Variants in XXYLT1 observed in about 807,000 individuals in gnomAD.
XXYLT1 encodes the protein xyloside xylosyltransferase 1.
Under a neutral mutation model 28.9 loss-of-function variants are expected in XXYLT1, and 20 were observed. The observed-to-expected ratio is 0.69, with a 90% CI of 0.49 to 1.00. XXYLT1 has a LOEUF of 1.00. XXYLT1 is among the 50% of genes least tolerant of loss of function. The pLI, the probability that XXYLT1 is intolerant of heterozygous loss-of-function variation, is 0.00. For synonymous variants in XXYLT1, 257 were observed against 253.8 expected (o/e 1.01, Z -0.12); for missense variants, 542 against 560.1 (o/e 0.97, Z 0.33).
chr3:195,269,132 G>A (rs1047094196), intron 1 of XXYLT1, among the ~76,000 whole-genome samples: 3 of 152,226 alleles, frequency 2.0e-5, no homozygotes, highest in Non-Finnish European at 2.9e-5. Context: ...TGGGGACAAG[G>A]GGACAGAGAT....
Position 195,257,005 on chromosome 3 carries a change from C to T in XXYLT1, c.504+13550G>A, listed in dbSNP as rs563735768. 1.2e-4 allele frequency among the ~76,000 whole-genome samples: 19 copies of T among 152,316 alleles called. 1 individual carries two copies. In the South Asian group the frequency reaches 3.5e-3, roughly 28 times the overall value. On this transcript the variant is annotated intron_variant, in intron 1 of 3. Transcript: ENST00000310380. This position sits in a 1 kb window ranked among gnomAD's most constrained non-coding sequence, Gnocchi z 4.3. ...AATGCAAGGGGGACAGTTCCAAAAC[C>T]CAAAACACCGCTGACACTTCATGGC...
At chr3:195,231,529 G>A (rs1192537474) in intron 1 of XXYLT1, among the ~76,000 whole-genome samples, 3 of 152,174 alleles carry the variant, frequency 2.0e-5, no homozygotes, top group African/African-American at 7.2e-5. Flanking sequence ...TGTTGCATAT[G>A]GCTTTTATTA....
chr3:195,110,425 A>G lies in XXYLT1; in HGVS notation c.786-40314T>C, dbSNP rs554193892. ...GTGTGTATAAGTGCGTCTGTGGTGTATGTGTGCGTGTGTATGTGGTGTAAA... is the reference window on the plus strand; with the variant it reads ...GTGTGTATAAGTGCGTCTGTGGTGTGTGTGTGCGTGTGTATGTGGTGTAAA... On this transcript the variant is annotated intron_variant, in intron 3 of 3. Coordinates refer to ENST00000310380, the MANE Select transcript of XXYLT1 (RefSeq NM_152531.5). Among the ~76,000 whole-genome samples, 359 of 95,616 alleles carry G rather than the reference A, an allele frequency of 3.8e-3. 6 individuals are homozygous for G. Among genetic ancestry groups the G allele is most frequent in the African/African-American group, 0.014 (318 of 23,526 alleles). 62.7% of individuals were successfully genotyped at this position (95,616 alleles called of 152,430 possible).
chr3:195,072,101 C>T (rs967681824), intron 3 of XXYLT1, among the ~76,000 whole-genome samples: 3 of 152,106 alleles, frequency 2.0e-5, no homozygotes, highest in African/African-American at 7.2e-5. Flanking sequence ...CCTCACAGGG[C>T]ACCAGCACAG....
At chr3:195,266,029 T>C (rs575012622) in intron 1 of XXYLT1, among the ~76,000 whole-genome samples, 123 of 152,324 alleles carry the variant, frequency 8.1e-4, no homozygotes, top group African/African-American at 2.7e-3. Flanking sequence ...GTTTTACAAG[T>C]GTGAGACTGC....
chr3:195,079,714 C>G (rs9876929), intron 3 of XXYLT1, among the ~76,000 whole-genome samples: 133 of 151,960 alleles, frequency 8.8e-4, no homozygotes, highest in African/African-American at 3.1e-3. Flanking sequence ...GGGACAGAAG[C>G]GAGGACAGCA....
intron 3 of XXYLT1, among the ~76,000 whole-genome samples, chr3:195,126,802 T>G (rs1718656803): frequency 6.6e-6 from 1 of 152,182 alleles, no homozygotes; most frequent in African/African-American, 2.4e-5. Flanking sequence ...AGGCACAGCC[T>G]CCCAGGGGCC....
chr3:195,135,029 G>A (rs1421816560), intron 3 of XXYLT1, among the ~76,000 whole-genome samples: 1 of 152,184 alleles, frequency 6.6e-6, no homozygotes, highest in Non-Finnish European at 1.5e-5. Context: ...TTTGGCAGGG[G>A]CAATGGGTAG....
intron 1 of XXYLT1, among the ~76,000 whole-genome samples, chr3:195,238,550 G>A (rs1238390698): frequency 6.6e-6 from 1 of 152,194 alleles, no homozygotes; most frequent in Non-Finnish European, 1.5e-5. Context: ...GCTAAACTAA[G>A]TGAACTGCAC....
In XXYLT1 at chr3:195,240,107, G is replaced by T. The variant is rs79483710; in HGVS notation, c.505-13251C>A. 0.026 allele frequency among the ~76,000 whole-genome samples: 4,029 copies of T among 152,272 alleles called. 57 individuals are homozygous for T. Among genetic ancestry groups the T allele is most frequent in the South Asian group, 0.052 (251 of 4,810 alleles). The stretch of plus-strand genomic sequence containing the variant: ...GACTGAGCTTTCTTTTCAGGCAAAG[G>T]TGTCCTCAAACAGTACTTTGTTGTT... On this transcript the variant is annotated intron_variant, in intron 1 of 3. Coordinates refer to ENST00000310380, the MANE Select transcript of XXYLT1 (RefSeq NM_152531.5). This position sits in a 1 kb window ranked among gnomAD's most constrained non-coding sequence, Gnocchi z 4.7.
chr3:195,086,632 C>G (rs898627763), intron 3 of XXYLT1, among the ~76,000 whole-genome samples: 1 of 151,820 alleles, frequency 6.6e-6, no homozygotes, highest in Non-Finnish European at 1.5e-5. Context: ...AGGTTTGAAG[C>G]GAGGTATGAG....
intron 3 of XXYLT1, among the ~76,000 whole-genome samples, chr3:195,074,030 ACCT>A (rs1714977370): frequency 6.6e-6 from 1 of 151,722 alleles, no homozygotes; most frequent in African/African-American, 2.4e-5. Context: ...CAGCCCTCCC[ACCT>A]CCTCCTCCCA....
At position 195,180,785 on chromosome 3, in the gene XXYLT1, C is replaced by T. The variant is rs534978106; in HGVS notation, c.653-24204G>A. On this transcript the variant is annotated intron_variant, in intron 2 of 3. Coordinates refer to ENST00000310380, the MANE Select transcript of XXYLT1 (RefSeq NM_152531.5). The surrounding 1 kb of genome is among the most constrained non-coding windows in gnomAD (Gnocchi z 5.8). ...GCCAGGAGCAAGGGCAGCGCCGGCC[C>T]TCCTCGGGAGAAGCTCCAAGGCCTG... Among the ~76,000 whole-genome samples the T allele has an allele frequency of 1.8e-4, 28 of 152,376 alleles. 1 individual carries two copies. In the South Asian group the frequency reaches 4.6e-3, roughly 25 times the overall value.
At chr3:195,155,456 C>T (rs760940431) in intron 3 of XXYLT1, among the ~76,000 whole-genome samples, 18 of 152,256 alleles carry the variant, frequency 1.2e-4, no homozygotes, top group South Asian at 2.1e-4. Context: ...GAGAAACAGC[C>T]AGCAACATGA....
intron 1 of XXYLT1, chr3:195,260,141 C>G (rs1345632182): frequency 4.6e-5 from 7 of 151,734 alleles, no homozygotes; most frequent in Admixed American, 2.0e-4. Flanking sequence ...GAGCCTCAGG[C>G]TTGGGGGCTG....
chr3:195,251,107 GAGCAC>G (rs1260527015), intron 1 of XXYLT1, among the ~76,000 whole-genome samples: 25 of 152,354 alleles, frequency 1.6e-4, no homozygotes, highest in African/African-American at 5.8e-4. Context: ...CCATCTCACT[GAGCAC>G]AGCTGCAGGA....
chr3:195,211,524 C>T (rs1172169989), intron 2 of XXYLT1, among the ~76,000 whole-genome samples: 1 of 152,182 alleles, frequency 6.6e-6, no homozygotes, highest in Non-Finnish European at 1.5e-5. Context: ...TTATTGACTG[C>T]CTACTATGTG....
chr3:195,129,717 T>G lies in XXYLT1; in HGVS notation c.785+26732A>C, dbSNP rs1718808323. On this transcript the variant is annotated intron_variant, in intron 3 of 3. Transcript: ENST00000310380. This position sits in a 1 kb window ranked among gnomAD's most constrained non-coding sequence, Gnocchi z 4.4. ...TAGTGTGCGGGCGTATGTTTTCAGT[T>G]CTCTCGGGCATTTGGTGATTTCCAC... Among the ~76,000 whole-genome samples, 1 of 152,176 alleles carries G rather than the reference T, an allele frequency of 6.6e-6. No homozygotes were observed. The highest frequency in any genetic ancestry group is 2.1e-4 in the South Asian group (1 of 4,830).
intron 3 of XXYLT1, among the ~76,000 whole-genome samples, chr3:195,131,787 T>C (rs1168886414): frequency 6.6e-6 from 1 of 152,176 alleles, no homozygotes; most frequent in Non-Finnish European, 1.5e-5. Flanking sequence ...ACAAAATATA[T>C]AATATTACCA....
Sources: gnomAD v4.1 joint callset for allele counts (sites outside exome capture counted in the v4.1 genomes callset) on GRCh38, gnomAD v4.1.1 for gene constraint, Gnocchi (gnomAD v3.1) non-coding constraint, MANE v1.5 for transcripts, NCBI Gene and HGNC (gene_info 2026-07-23, HGNC 2026-07-21) for gene names.